Variants in ZC3H11A observed in about 807,000 individuals in gnomAD.
ZC3H11A encodes the protein zinc finger CCCH domain-containing protein 11A.
In ZC3H11A, 22 loss-of-function variants were observed where a neutral mutation model predicts 90.8. The ratio of observed to expected loss-of-function variants is 0.24; its 90% confidence interval spans 0.17 to 0.35. The LOEUF is 0.35. Among genes scored for constraint, ZC3H11A ranks in the 10% least tolerant of loss-of-function variants. ZC3H11A has a pLI of 1.00. For missense variants in ZC3H11A, 701 were observed against 964.9 expected, an observed-to-expected ratio of 0.73 and a Z score of 3.62; for synonymous variants, 294 against 339.8, an observed-to-expected ratio of 0.87 and a Z score of 1.48.
At chr1:203,849,076 A>T (rs916608883) in intron 14 of ZC3H11A, among the ~76,000 whole-genome samples, 1 of 152,094 alleles carries the variant, frequency 6.6e-6, no homozygotes, top group African/African-American at 2.4e-5. Context: ...GTAGAGACAG[A>T]GTTTCTCCAT....
intron 4 of ZC3H11A, among the ~76,000 whole-genome samples, chr1:203,824,834 C>G (rs1285218502): frequency 6.6e-6 from 1 of 152,058 alleles, no homozygotes; most frequent in Non-Finnish European, 1.5e-5. Context: ...AATCCCAGCA[C>G]TTTGGGAGGC....
At chr1:203,811,289 CAA>C (rs1410918392) in intron 2 of ZC3H11A, among the ~76,000 whole-genome samples, 2 of 152,028 alleles carry the variant, frequency 1.3e-5, no homozygotes, top group African/African-American at 4.8e-5. Context: ...GCCTGGGCAA[CAA>C]GAGCAAAACT....
rs184682830 is a variant in ZC3H11A, at chr1:203,821,978, C to T, written c.174+3289C>T. ...TTCACCGTGTTAGCCAGGATGGTCT[C>T]GATCTGCTGACCTCGTGATCCGCCC... is the stretch of plus-strand genomic sequence containing the variant. On this transcript the variant is annotated intron_variant, in intron 4 of 17. Coordinates refer to ENST00000367210, the MANE Select transcript of ZC3H11A (RefSeq NM_001376342.1). 3.3e-5 allele frequency among the ~76,000 whole-genome samples: 5 copies of T among 152,180 alleles called. No homozygotes were observed. In the East Asian group the frequency reaches 5.8e-4, roughly 18 times the overall value.
At chr1:203,827,679 C>CT (rs2102988227) in intron 4 of ZC3H11A, among the ~76,000 whole-genome samples, 1 of 145,666 alleles carries the variant, frequency 6.9e-6, no homozygotes, top group South Asian at 2.1e-4. Flanking sequence ...AAGACTCTGT[C>CT]TCAAAAAAAA....
chr1:203,806,190 G>C (rs1672279254), intron 2 of ZC3H11A: 1 of 463,908 alleles, frequency 2.2e-6, no homozygotes, highest in Admixed American at 2.5e-5. Context: ...CTGCCCTGCT[G>C]TCCACCATGC....
At chr1:203,847,831 T>C in intron 13 of ZC3H11A, 144 bp downstream of exon 13, 1 of 1,165,452 alleles carries the variant, frequency 8.6e-7, no homozygotes, top group Non-Finnish European at 1.2e-6. Context: ...AGTTTTTCAG[T>C]AGTGCTATGT....
At chr1:203,851,968 CAAAAAAAAAAAAAAAA>C in intron 17 of ZC3H11A, among the ~76,000 whole-genome samples, 157 bp from the exon 18 acceptor site, 1 of 45,842 alleles carries the variant, frequency 2.2e-5, no homozygotes, top group Non-Finnish European at 3.5e-5. Flanking sequence ...GACTCTGCCT[CAAAAAAAAAAAAAAAA>C]AAAAAAAAAA....
At chr1:203,819,494 T>C (rs1677675714) in intron 4 of ZC3H11A, among the ~76,000 whole-genome samples, 1 of 150,640 alleles carries the variant, frequency 6.6e-6, no homozygotes, top group African/African-American at 2.4e-5. Flanking sequence ...AGTGCTGGGA[T>C]TACATGCGTG....
Position 203,796,386 on chromosome 1 carries a change from A to C in ZC3H11A, c.-1588+592A>C, listed in dbSNP as rs140533676. 9.8e-5 allele frequency: 39 copies of C among 397,290 alleles called. No individual in the cohort carries two copies. The East Asian group carries it at 1.3e-3, about 13-fold the overall frequency. The allele number at this position is 397,290 out of a possible 1,614,324, so 24.6% of individuals were successfully genotyped here. A position where few individuals can be genotyped will look rare whatever the true frequency, so the allele number is the denominator to read the frequency against. On this transcript the variant is annotated intron_variant, in intron 1 of 17. Transcript: ENST00000367210. ...TACACCCATTCCCCACTCTCATTAC[A>C]CTCCCACCCCTGGCCCTCAGCGTCG...
intron 2 of ZC3H11A, among the ~76,000 whole-genome samples, chr1:203,804,120 T>C (rs1671368184): frequency 6.6e-6 from 1 of 151,842 alleles, no homozygotes. Context: ...ATGTGGGTCT[T>C]GCATACTTCT....
In ZC3H11A at chr1:203,818,308, C is replaced by T. The variant is rs1306319930; in HGVS notation, c.55-262C>T. On this transcript the variant is annotated intron_variant, in intron 3 of 17. Transcript: ENST00000367210. ...ATACATTTTTAAAGAGGACCTAACA[C>T]TCCTACTTGTCTTTTTCAACTCTTT... 3.6e-3 allele frequency among the ~76,000 whole-genome samples: 540 copies of T among 150,918 alleles called. 4 individuals carry two copies. The highest frequency in any genetic ancestry group is 6.5e-3 in the Non-Finnish European group (437 of 66,998).
chr1:203,851,952 A>G (rs1205548404), intron 17 of ZC3H11A, among the ~76,000 whole-genome samples, 189 bp from the exon 18 acceptor site: 1 of 144,698 alleles, frequency 6.9e-6, no homozygotes, highest in Non-Finnish European at 1.5e-5. Context: ...CTGGGTGACA[A>G]AGGGAGACTC....
chr1:203,834,191 T>C (rs1683429817), intron 10 of ZC3H11A: 5 of 558,276 alleles, frequency 9.0e-6, no homozygotes, highest in Non-Finnish European at 1.2e-5. Flanking sequence ...GTGTGTCTCT[T>C]AGAATACAGG....
intron 2 of ZC3H11A, among the ~76,000 whole-genome samples, chr1:203,815,369 C>G (rs1187819574): frequency 7.3e-6 from 1 of 136,432 alleles, no homozygotes; most frequent in African/African-American, 2.7e-5. Flanking sequence ...GAGTGTGCCA[C>G]CACACCCAGC....
chr1:203,850,906 A>G, intron 16 of ZC3H11A, 151 bp from the exon 17 acceptor site: 1 of 1,183,590 alleles, frequency 8.4e-7, no homozygotes, highest in East Asian at 2.3e-5. Flanking sequence ...TATTTTGCTT[A>G]TTTATATACT....
In ZC3H11A at chr1:203,833,852, A is replaced by G. The variant is rs1025638225; in HGVS notation, c.873A>G (p.Ala291=). The G allele has an allele frequency of 5.6e-6, 9 of 1,609,888 alleles. No homozygotes were observed. Among genetic ancestry groups the G allele is most frequent in the Non-Finnish European group, 7.6e-6 (9 of 1,178,306 alleles). Residue 291 remains alanine (A), a splice_region_variant and synonymous_variant, in exon 10 of 18, where the codon GCA becomes GCG. Coordinates refer to ENST00000367210, the MANE Select transcript of ZC3H11A (RefSeq NM_001376342.1). ...GACTGGGGAAACGAAAATTTTCAGC[A>G]GGTAAGATAAGTTTTGTGTATATCT... The part of the protein sequence containing the change: ...TERLGKRKFS[A]GGDSDPPLKR...
At chr1:203,851,692 G>A (rs1296591277) in intron 17 of ZC3H11A, among the ~76,000 whole-genome samples, 1 of 149,926 alleles carries the variant, frequency 6.7e-6, no homozygotes, top group Middle Eastern at 3.2e-3. Flanking sequence ...GCCAGGCAAG[G>A]CGGCTTATGC....
At chr1:203,850,936 T>G (rs1347282323) in intron 16 of ZC3H11A, 121 bp from the exon 17 acceptor site, 4 of 1,287,558 alleles carry the variant, frequency 3.1e-6, no homozygotes, top group Non-Finnish European at 4.4e-6. Flanking sequence ...GATTATCGAT[T>G]CTTAGATTCA....
At chr1:203,833,742 T>TTC in intron 9 of ZC3H11A, 49 bp from the exon 10 acceptor site, 1 of 1,551,286 alleles carries the variant, frequency 6.4e-7, no homozygotes, top group Non-Finnish European at 8.8e-7. Context: ...AGTTACTGAA[T>TTC]ACAGAAAAAT....
Sources: allele counts gnomAD v4.1 joint callset (sites outside exome capture counted in the v4.1 genomes callset), GRCh38; gene constraint gnomAD v4.1.1; transcripts MANE v1.5; gene names NCBI Gene and HGNC (gene_info 2026-07-23, HGNC 2026-07-21).